The following B3GAT1 variants were observed in gnomAD, a reference collection of about 807,000 sequenced individuals.
B3GAT1 encodes beta-1,3-glucuronyltransferase 1, also known as galactosylgalactosylxylosylprotein 3-beta-glucuronosyltransferase 1.
In B3GAT1, 11 loss-of-function variants were observed where a neutral mutation model predicts 28.4. That is an observed-to-expected ratio of 0.39 (90% confidence interval 0.24 to 0.64). The LOEUF is 0.64. Ranked by LOEUF, B3GAT1 falls within the 30% of genes least tolerant of loss-of-function variation. B3GAT1 has a pLI of 0.50. For synonymous variants in B3GAT1, 255 were observed against 223.1 expected, an observed-to-expected ratio of 1.14 and a Z score of -1.27; for missense variants, 375 against 491.0, an observed-to-expected ratio of 0.76 and a Z score of 2.23.
At chr11:134,383,335 G>C (rs7108927) in intron 3 of B3GAT1, among the ~76,000 whole-genome samples, 13,034 of 152,038 alleles carry the variant, frequency 0.086, 813 homozygotes, top group Non-Finnish European at 0.12. Context: ...CCTTGTCCCC[G>C]AGACTAACAC....
chr11:134,387,935 G>A lies in B3GAT1; in HGVS notation c.-276C>T, dbSNP rs1156845388. Reference sequence around the variant, plus strand: ...GCAGGGGTCAGGAACCCTGGGGGGTGGACACCTGCAAGAGAGAGCAGAAGC... The same window carrying A: ...GCAGGGGTCAGGAACCCTGGGGGGTAGACACCTGCAAGAGAGAGCAGAAGC... On this transcript the variant is annotated 5_prime_UTR_variant, in exon 2 of 6. Transcript: ENST00000312527. 1.5e-6 allele frequency: 2 copies of A among 1,349,032 alleles called. No individual in the cohort carries two copies. The highest frequency in any genetic ancestry group is 1.2e-5 in the South Asian group (1 of 80,298). The allele number at this position is 1,349,032 out of a possible 1,614,324, so 83.6% of individuals were successfully genotyped here.
chr11:134,396,220 C>T (rs376041863), intron 1 of B3GAT1, among the ~76,000 whole-genome samples: 8 of 152,326 alleles, frequency 5.3e-5, no homozygotes, highest in African/African-American at 1.9e-4. Flanking sequence ...AAGGTGAGGA[C>T]TGCACGAAGG....
intron 1 of B3GAT1, among the ~76,000 whole-genome samples, chr11:134,407,532 T>C (rs2136341278): frequency 6.6e-6 from 1 of 152,354 alleles, no homozygotes; most frequent in African/African-American, 2.4e-5. Flanking sequence ...GCAAGGTTAG[T>C]CCTCAAATCC....
chr11:134,384,253 G>A, intron 2 of B3GAT1, 65 bp from the exon 3 acceptor site: 2 of 1,478,576 alleles, frequency 1.4e-6, no homozygotes, highest in African/African-American at 1.4e-5. Flanking sequence ...ATTCAGAGCG[G>A]GACGCCACCC....
intron 1 of B3GAT1, among the ~76,000 whole-genome samples, chr11:134,399,895 T>C (rs1453483111): frequency 6.6e-6 from 1 of 152,182 alleles, no homozygotes; most frequent in Non-Finnish European, 1.5e-5. Flanking sequence ...GGTCTGGCCC[T>C]GGAACTGAGT....
rs1474469932 is a variant in B3GAT1, at chr11:134,382,970, C to A, written c.658G>T (p.Ala220Ser). ...STRRVSVWPV[A>S]FVGGLRYEAP... is the part of the protein sequence containing the mutation. Reference sequence around the variant, plus strand: ...TCGTACCGCAGGCCACCCACGAAGGCGACGGGCCACACGGACACCCTCCTG... The same window carrying A: ...TCGTACCGCAGGCCACCCACGAAGGAGACGGGCCACACGGACACCCTCCTG... Residue 220 changes from alanine to serine, a missense_variant, in exon 4 of 6, where the codon GCC becomes TCC. Transcript: ENST00000312527. 2 of 1,593,178 alleles carry A rather than the reference C, an allele frequency of 1.3e-6. No individual in the cohort carries two copies. The highest frequency in any genetic ancestry group is 1.7e-6 in the Non-Finnish European group (2 of 1,169,332).
At position 134,411,601 on chromosome 11, in the gene B3GAT1, C is replaced by G. The variant is rs990131166; in HGVS notation, c.-282+206G>C. On this transcript the variant is annotated intron_variant, in intron 1 of 5. Coordinates refer to ENST00000312527, the MANE Select transcript of B3GAT1 (RefSeq NM_054025.3). This position sits in a 1 kb window ranked among gnomAD's most constrained non-coding sequence, Gnocchi z 6.0. ...TGCCGGGTTTTGTTTCGCAGCCCCT[C>G]GGCAGCAGCGCCTCCCAGCCCGAGC... 1.2e-4 allele frequency among the ~76,000 whole-genome samples: 18 copies of G among 152,230 alleles called. No individual in the cohort carries two copies. Among genetic ancestry groups the G allele is most frequent in the Non-Finnish European group, 2.1e-4 (14 of 67,996 alleles).
chr11:134,383,134 G>A, intron 3 of B3GAT1, 128 bp from the exon 4 acceptor site: 1 of 1,065,442 alleles, frequency 9.4e-7, no homozygotes, highest in Non-Finnish European at 1.3e-6. Context: ...CACCTAGGGG[G>A]TGTCCAGTAC....
chr11:134,401,903 G>A lies in B3GAT1; in HGVS notation c.-282+9904C>T, dbSNP rs1370568965. Among the ~76,000 whole-genome samples, 5 of 150,640 alleles carry A rather than the reference G, an allele frequency of 3.3e-5. No individual in the cohort carries two copies. In the East Asian group the frequency reaches 8.0e-4, roughly 24 times the overall value. On this transcript the variant is annotated intron_variant, in intron 1 of 5. Transcript: ENST00000312527. ...TCTCTCCCCAGCACGAGGCGGTGCT[G>A]TGGCTTGAGCTCAATGGAAACTGGG...
intron 1 of B3GAT1, among the ~76,000 whole-genome samples, chr11:134,396,041 G>A (rs549311498): frequency 1.4e-4 from 21 of 152,268 alleles, no homozygotes; most frequent in African/African-American, 4.3e-4. Context: ...TTGCCACATC[G>A]GTTTCTCCAA....
intron 2 of B3GAT1, chr11:134,384,503 A>C: frequency 5.0e-6 from 2 of 398,342 alleles, no homozygotes; most frequent in African/African-American, 4.1e-5. Flanking sequence ...TGACTTTCCT[A>C]TGAAAAGGCG....
intron 1 of B3GAT1, among the ~76,000 whole-genome samples, chr11:134,397,150 C>T (rs529969329): frequency 2.7e-4 from 41 of 152,324 alleles, no homozygotes; most frequent in African/African-American, 8.7e-4. Context: ...ACTGCTGCCC[C>T]GGCCTAGGGC....
At chr11:134,388,021 C>T (rs1944332719) in intron 1 of B3GAT1, 81 bp from the exon 2 acceptor site, 2 of 500,622 alleles carry the variant, frequency 4.0e-6, no homozygotes, top group Admixed American at 2.4e-5. Context: ...TGCTCTGGGA[C>T]ACACAGCATC....
At position 134,381,850 on chromosome 11, in the gene B3GAT1, G is replaced by T. The variant is rs544778579; in HGVS notation, c.*14+74C>A. ...CCACAGTGAAAGCCCAAGAGGAAAA[G>T]AATGAGACAGTTGATTCGGCCCAAC... On this transcript the variant is annotated intron_variant, in intron 5 of 5. Transcript: ENST00000312527. 992 of 1,236,510 alleles carry T rather than the reference G, an allele frequency of 8.0e-4. 22 individuals are homozygous for T. The South Asian group carries it at 0.011, about 14-fold the overall frequency. 76.6% of individuals were successfully genotyped at this position (1,236,510 alleles called of 1,614,324 possible). A position where few individuals can be genotyped will look rare whatever the true frequency, so the allele number is the denominator to read the frequency against.
intron 2 of B3GAT1, 49 bp downstream of exon 2, chr11:134,387,499 G>C (rs764622852): frequency 4.4e-6 from 7 of 1,605,790 alleles, no homozygotes; most frequent in Non-Finnish European, 6.0e-6. Flanking sequence ...TGTGGTCACT[G>C]TCACTACCAA....
At chr11:134,405,890 C>T (rs1944722097) in intron 1 of B3GAT1, among the ~76,000 whole-genome samples, 1 of 152,248 alleles carries the variant, frequency 6.6e-6, no homozygotes, top group Non-Finnish European at 1.5e-5. Flanking sequence ...TCCTGCCCCT[C>T]AGGCCAGCCC....
intron 1 of B3GAT1, among the ~76,000 whole-genome samples, chr11:134,399,484 A>G (rs1458317264): frequency 2.0e-5 from 3 of 152,224 alleles, no homozygotes; most frequent in Non-Finnish European, 2.9e-5. Context: ...GTAGGGCCCC[A>G]GAGTGTGAGG....
chr11:134,381,385 G>C (rs1316368882), intron 5 of B3GAT1, among the ~76,000 whole-genome samples: 1 of 152,224 alleles, frequency 6.6e-6, no homozygotes, highest in Non-Finnish European at 1.5e-5. Flanking sequence ...CACAGATGAA[G>C]AAACTGAGGC....
In B3GAT1 at chr11:134,382,971, G is replaced by A; in HGVS notation, c.657C>T (p.Val219=). ...RSTRRVSVWP[V]AFVGGLRYEA... is the part of the protein sequence containing the mutation. ...CGTACCGCAGGCCACCCACGAAGGC[G>A]ACGGGCCACACGGACACCCTCCTGG... Residue 219 remains valine (V), a synonymous_variant, in exon 4 of 6, where the codon GTC becomes GTT. Transcript: ENST00000312527. 1 of 1,593,294 alleles carries A rather than the reference G, an allele frequency of 6.3e-7. No homozygotes were observed. Among genetic ancestry groups the A allele is most frequent in the African/African-American group, 1.3e-5 (1 of 74,706 alleles).
Sources: gnomAD v4.1 joint callset for allele counts (sites outside exome capture counted in the v4.1 genomes callset) on GRCh38, gnomAD v4.1.1 for gene constraint, Gnocchi (gnomAD v3.1) non-coding constraint, MANE v1.5 for transcripts, NCBI Gene and HGNC (gene_info 2026-07-23, HGNC 2026-07-21) for gene names.